MICALL1: variants seen among roughly 807,000 people sequenced by gnomAD.
The protein encoded by MICALL1 is MICAL-like protein 1.
In MICALL1, 61 loss-of-function variants were observed where a neutral mutation model predicts 83.7. The observed-to-expected ratio is 0.73, with a 90% confidence interval of 0.59 to 0.90. The LOEUF (loss-of-function observed/expected upper bound fraction) is 0.90, where lower values mean the gene tolerates loss of function less well. Among genes scored for constraint, MICALL1 ranks in the 40% least tolerant of loss-of-function variants. The pLI is 0.00. For synonymous variants in MICALL1, 481 were observed against 473.6 expected (o/e 1.02, Z -0.20); for missense variants, 1,066 against 1,152.0 (o/e 0.93, Z 1.08).
chr22:37,917,528 G>C (rs1288532523), intron 3 of MICALL1, among the ~76,000 whole-genome samples, 179 bp from the exon 4 acceptor site: 1 of 152,170 alleles, frequency 6.6e-6, no homozygotes, highest in Non-Finnish European at 1.5e-5. Context: ...CTCAGCACTT[G>C]GCTTAAAACT....
At chr22:37,907,821 G>T (rs947522350) in intron 1 of MICALL1, among the ~76,000 whole-genome samples, 1 of 152,224 alleles carries the variant, frequency 6.6e-6, no homozygotes, top group African/African-American at 2.4e-5. Flanking sequence ...GGTCATGTAG[G>T]TGGGCCCCTG....
Position 37,940,856 on chromosome 22 carries a change from GC to G in MICALL1, c.*31del. On this transcript the variant is annotated 3_prime_UTR_variant, in exon 16 of 16. Transcript: ENST00000215957. ...CAGCACGAGAAGCCAGTTGGGGACT[GC>G]CCCCTCCTGGAGCAGCTCCTGGGCT... 3 of 1,612,078 alleles carry G rather than the reference GC, an allele frequency of 1.9e-6. No homozygotes were observed. Among genetic ancestry groups the G allele is most frequent in the South Asian group, 2.2e-5 (2 of 90,998 alleles).
rs1170032666 is a variant in MICALL1 at position 37,906,542 on chromosome 22, C to T, written c.120C>T (p.Ile40=). The change falls in exon 1 of 16, where the codon ATC becomes ATT. Residue 40 remains isoleucine, a synonymous_variant. Transcript: ENST00000215957. The surrounding 1 kb of genome is among the most constrained non-coding windows in gnomAD (Gnocchi z 4.4). ...SFRDGLAFCA[I]LHRHRPDLLD... ...GGGACGGCCTGGCCTTCTGCGCCAT[C>T]CTGCACCGGCACCGGCCCGACCTGC... The T allele has an allele frequency of 3.3e-6, 4 of 1,201,398 alleles. No individual in the cohort carries two copies. The highest frequency in any genetic ancestry group is 3.1e-6 in the Non-Finnish European group (3 of 960,558). The allele number at this position is 1,201,398 out of a possible 1,614,324, so 74.4% of individuals were successfully genotyped here.
In MICALL1 at chr22:37,924,773, G is replaced by A; in HGVS notation, c.1082+56G>A. On this transcript the variant is annotated intron_variant, in intron 7 of 15. Transcript: ENST00000215957. The surrounding 1 kb of genome is among the most constrained non-coding windows in gnomAD (Gnocchi z 5.2). ...TTGGAGGTCCTGGTGGTGGGAATCA[G>A]GGTACTCTGGGGCCGGGTAGGGAGA... 3 of 1,570,512 alleles carry A rather than the reference G, an allele frequency of 1.9e-6. No homozygotes were observed. Among genetic ancestry groups the A allele is most frequent in the Non-Finnish European group, 2.6e-6 (3 of 1,145,874 alleles).
At position 37,925,967 on chromosome 22, in the gene MICALL1, G is replaced by GT. The variant is rs774800866; in HGVS notation, c.1390dup (p.Tyr464LeufsTer54). ...CCACACCCAAGTCCCTGCACCCCTGGTACGGCATCACCCCTACCAGCAGCC... is the reference window on the plus strand; with the variant it reads ...CCACACCCAAGTCCCTGCACCCCTGGTTACGGCATCACCCCTACCAGCAGCC... On this transcript the variant is annotated frameshift_variant, in exon 8 of 16. Transcript: ENST00000215957. LOFTEE classifies it high-confidence loss of function. The GT allele has an allele frequency of 6.2e-7, 1 of 1,613,870 alleles. No individual in the cohort carries two copies. The highest frequency in any genetic ancestry group is 1.1e-5 in the South Asian group (1 of 91,062).
chr22:37,912,295 G>T, intron 2 of MICALL1, 56 bp from the exon 3 acceptor site: 1 of 1,557,942 alleles, frequency 6.4e-7, no homozygotes, highest in Non-Finnish European at 8.7e-7. Flanking sequence ...GCCCCCTAAC[G>T]CCTCCTCCTC....
intron 5 of MICALL1, among the ~76,000 whole-genome samples, chr22:37,919,400 C>T (rs1928880796): frequency 6.6e-6 from 1 of 152,200 alleles, no homozygotes; most frequent in Non-Finnish European, 1.5e-5. Flanking sequence ...GGTTTTCCTT[C>T]CAGCGCCTAC....
At chr22:37,912,628 C>A in intron 3 of MICALL1, 136 bp downstream of exon 3, 5 of 745,964 alleles carry the variant, frequency 6.7e-6, no homozygotes, top group Non-Finnish European at 9.9e-6. Context: ...TTCATTAATT[C>A]ACTCATTGAA....
intron 13 of MICALL1, among the ~76,000 whole-genome samples, chr22:37,934,188 G>C (rs529766097): frequency 6.6e-6 from 1 of 152,188 alleles, no homozygotes; most frequent in Non-Finnish European, 1.5e-5. Flanking sequence ...TGTGCGTCCC[G>C]GGCTTGTCAG....
intron 6 of MICALL1, among the ~76,000 whole-genome samples, chr22:37,923,058 C>T (rs1319363170): frequency 6.6e-6 from 1 of 151,904 alleles, no homozygotes; most frequent in Non-Finnish European, 1.5e-5. Flanking sequence ...GCCTCAGCCT[C>T]TTGAGTAGCT....
chr22:37,937,786 A>G lies in MICALL1; in HGVS notation c.2464A>G (p.Lys822Glu). The G allele has an allele frequency of 6.2e-7, 1 of 1,613,504 alleles. No individual in the cohort carries two copies. Among genetic ancestry groups the G allele is most frequent in the Non-Finnish European group, 8.5e-7 (1 of 1,179,576 alleles). The change falls in exon 15 of 16, where the codon AAG (lysine) becomes GAG (glutamate). Residue 822 changes from lysine to glutamate, a missense_variant. Lys to Glu is a moderately conservative substitution (Grantham distance 56). Transcript: ENST00000215957. ...CAAGATGTTGGAAGCCATGATCAAG[A>G]AGAAAGGTGAGGCCCTTGCTGGGGA... ...EDKMLEAMIKKKEFQREAEPE... is the reference protein window; with the variant it reads ...EDKMLEAMIKEKEFQREAEPE...
Position 37,906,689 on chromosome 22 carries a change from C to T in MICALL1, c.146+121C>T. Reference sequence around the variant, plus strand: ...GCGCCGCCCCCGGACACGGAGACGCCGACCCCCCCGACGGCCCCGGACGCC... The same window carrying T: ...GCGCCGCCCCCGGACACGGAGACGCTGACCCCCCCGACGGCCCCGGACGCC... On this transcript the variant is annotated intron_variant, in intron 1 of 15. Transcript: ENST00000215957. This position sits in a 1 kb window ranked among gnomAD's most constrained non-coding sequence, Gnocchi z 4.4. 1.1e-6 allele frequency: 1 copy of T among 903,322 alleles called. No individual in the cohort carries two copies. The allele number at this position is 903,322 out of a possible 1,614,324, so 56.0% of individuals were successfully genotyped here.
intron 1 of MICALL1, among the ~76,000 whole-genome samples, chr22:37,908,072 C>G (rs1482197669): frequency 6.6e-6 from 1 of 152,066 alleles, no homozygotes; most frequent in African/African-American, 2.4e-5. Flanking sequence ...GGGCCTGAGC[C>G]TGGTGGCATC....
At chr22:37,915,201 A>G (rs1470266818) in intron 3 of MICALL1, among the ~76,000 whole-genome samples, 3 of 152,278 alleles carry the variant, frequency 2.0e-5, no homozygotes, top group East Asian at 3.9e-4. Context: ...GCGGTGAGCT[A>G]TGATCACGCC....
chr22:37,923,237 A>AT (rs1266515243), intron 6 of MICALL1, among the ~76,000 whole-genome samples: 1 of 144,158 alleles, frequency 6.9e-6, no homozygotes, highest in Non-Finnish European at 1.5e-5. Context: ...GGCTCTTTTT[A>AT]TTTTTTTTGA....
chr22:37,914,213 GTTTCT>G (rs1472238583), intron 3 of MICALL1, among the ~76,000 whole-genome samples: 3 of 143,098 alleles, frequency 2.1e-5, no homozygotes, highest in Non-Finnish European at 3.0e-5. Flanking sequence ...GAAGTCAGAG[GTTTCT>G]TTTCTTTTCT....
intron 13 of MICALL1, among the ~76,000 whole-genome samples, chr22:37,934,547 C>T (rs1171585173): frequency 1.4e-5 from 2 of 142,104 alleles, no homozygotes; most frequent in Non-Finnish European, 3.1e-5. Context: ...GCTGAGGGGG[C>T]TTCAGGATAT....
chr22:37,937,220 C>T, intron 14 of MICALL1, 26 bp downstream of exon 14: 1 of 1,417,242 alleles, frequency 7.1e-7, no homozygotes. Flanking sequence ...GTGGGGGGTC[C>T]TGGGGGCAGG....
Position 37,922,560 on chromosome 22 carries a change from CTG to C in MICALL1, c.1024+138_1024+139del, listed in dbSNP as rs1929119673. 1.3e-5 allele frequency: 5 copies of C among 392,620 alleles called. No homozygotes were observed. In the South Asian group the frequency reaches 1.8e-4, roughly 15 times the overall value. 24.3% of individuals were successfully genotyped at this position (392,620 alleles called of 1,614,324 possible). On this transcript the variant is annotated intron_variant, in intron 6 of 15. Transcript: ENST00000215957. The stretch of plus-strand genomic sequence containing the variant: ...TGTGCTGTGCTGTGTTGGGGCCTGC[CTG>C]TGTTTTTGAGGTTATTATATATATA...
Sources: allele counts gnomAD v4.1 joint callset (sites outside exome capture counted in the v4.1 genomes callset), GRCh38; gene constraint gnomAD v4.1.1; non-coding constraint Gnocchi (gnomAD v3.1); transcripts MANE v1.5; gene names NCBI Gene and HGNC (gene_info 2026-07-23, HGNC 2026-07-21).